The following FUCA1 variants were observed in gnomAD, a reference collection of about 807,000 sequenced individuals.
FUCA1 encodes the protein tissue alpha-L-fucosidase.
Under a neutral mutation model 56.8 loss-of-function variants are expected in FUCA1, and 52 were observed. That is an observed-to-expected ratio of 0.92 (90% confidence interval 0.73 to 1.15). The LOEUF (loss-of-function observed/expected upper bound fraction) is 1.15, where lower values mean the gene tolerates loss of function less well. FUCA1 is among the 50% of genes most tolerant of loss of function. FUCA1 has a pLI of 0.00. For missense variants in FUCA1, 568 were observed against 592.6 expected (o/e 0.96, Z 0.43); for synonymous variants, 230 against 226.6 (o/e 1.02, Z -0.14).
chr1:23,858,973 G>T (rs948619792), intron 4 of FUCA1, among the ~76,000 whole-genome samples: 2 of 151,846 alleles, frequency 1.3e-5, no homozygotes, highest in Non-Finnish European at 2.9e-5. Context: ...GTAGAGATGA[G>T]GTCTCACTAC....
chr1:23,858,655 A>C (rs1044322151), intron 4 of FUCA1, among the ~76,000 whole-genome samples: 3 of 152,238 alleles, frequency 2.0e-5, no homozygotes, highest in Non-Finnish European at 4.4e-5. Context: ...TTGAGAGTTA[A>C]ACTATAAAAT....
chr1:23,852,837 T>C (rs1570677519), intron 5 of FUCA1, among the ~76,000 whole-genome samples: 1 of 151,814 alleles, frequency 6.6e-6, no homozygotes, highest in East Asian at 1.9e-4. Flanking sequence ...AACCTCCACC[T>C]CCCAGCCGCC....
rs764568139 is a variant in FUCA1 at position 23,867,880 on chromosome 1, C to T, written c.389+18G>A. The T allele has an allele frequency of 5.8e-6, 9 of 1,540,606 alleles. No individual in the cohort carries two copies. The South Asian group carries it at 6.0e-5, about 10-fold the overall frequency. On this transcript the variant is annotated intron_variant, in intron 1 of 7. Transcript: ENST00000374479. This position sits in a 1 kb window ranked among gnomAD's most constrained non-coding sequence, Gnocchi z 4.9. ...GCCCGAGCCGGGAAGGGGCGCCGCT[C>T]CCCGGGACCACACTCACTTGGCGCC...
intron 4 of FUCA1, among the ~76,000 whole-genome samples, chr1:23,855,313 C>T (rs554668179): frequency 3.3e-5 from 5 of 152,066 alleles, no homozygotes; most frequent in South Asian, 2.1e-4. Context: ...CTGGCTAACA[C>T]GGTGAAATCC....
intron 3 of FUCA1, among the ~76,000 whole-genome samples, chr1:23,860,594 A>C (rs1340815005): frequency 6.6e-6 from 1 of 150,822 alleles, no homozygotes; most frequent in Non-Finnish European, 1.5e-5. Flanking sequence ...AAAAAAAAAA[A>C]AAAAAAACAC....
intron 4 of FUCA1, among the ~76,000 whole-genome samples, chr1:23,857,186 G>C (rs1332926665): frequency 6.6e-6 from 1 of 152,034 alleles, no homozygotes; most frequent in Non-Finnish European, 1.5e-5. Flanking sequence ...GACCTAGCTC[G>C]AGGGGTATAC....
chr1:23,858,875 C>CA (rs1639448848), intron 4 of FUCA1, among the ~76,000 whole-genome samples: 1 of 152,100 alleles, frequency 6.6e-6, no homozygotes, highest in South Asian at 2.1e-4. Flanking sequence ...AGCCTCCCCC[C>CA]ACATCAGCCT....
At chr1:23,850,316 CAAAAA>C (rs11425085) in intron 5 of FUCA1, among the ~76,000 whole-genome samples, 2 of 129,492 alleles carry the variant, frequency 1.5e-5, no homozygotes, top group African/African-American at 5.8e-5. Flanking sequence ...AATTCCATCT[CAAAAA>C]AAAAAAAAAA....
In FUCA1 at chr1:23,862,459, G is replaced by A. The variant is rs193000743; in HGVS notation, c.662+675C>T. Among the ~76,000 whole-genome samples the A allele has an allele frequency of 5.8e-4, 89 of 152,302 alleles. 3 individuals carry two copies. Among genetic ancestry groups the A allele is most frequent in the East Asian group, 1.4e-3 (7 of 5,182 alleles). Reference sequence around the variant, plus strand: ...TGGGATTACAGGCGTAAGCCACTGCGCCTGGCTAAAGGTGATTTTCCTTTG... The same window carrying A: ...TGGGATTACAGGCGTAAGCCACTGCACCTGGCTAAAGGTGATTTTCCTTTG... On this transcript the variant is annotated intron_variant, in intron 3 of 7. Coordinates refer to ENST00000374479, the MANE Select transcript of FUCA1 (RefSeq NM_000147.5).
intron 5 of FUCA1, 105 bp from the exon 6 acceptor site, chr1:23,848,944 T>A (rs1570673542): frequency 1.0e-6 from 1 of 978,312 alleles, no homozygotes; most frequent in Non-Finnish European, 1.6e-6. Flanking sequence ...CTCTGTTTTT[T>A]AAATATCCTC....
In FUCA1 at chr1:23,845,388, G is replaced by A. The variant is rs981492559; in HGVS notation, c.*327C>T. 6 of 379,792 alleles carry A rather than the reference G, an allele frequency of 1.6e-5. No individual in the cohort carries two copies. The highest frequency in any genetic ancestry group is 1.3e-4 in the African/African-American group (6 of 47,880). The allele number at this position is 379,792 out of a possible 1,614,324, so 23.5% of individuals were successfully genotyped here. A position where few individuals can be genotyped will look rare whatever the true frequency, so the allele number is the denominator to read the frequency against. ...AGGCAACAGGGTGACTTGGCTTAAA[G>A]GCATTGAGTAAGCAAGTAGGTTATC... On this transcript the variant is annotated 3_prime_UTR_variant, in exon 8 of 8. Coordinates refer to ENST00000374479, the MANE Select transcript of FUCA1 (RefSeq NM_000147.5).
intron 5 of FUCA1, among the ~76,000 whole-genome samples, chr1:23,852,821 C>CCCA (rs1639293493): frequency 6.6e-6 from 1 of 151,786 alleles, no homozygotes; most frequent in South Asian, 2.1e-4. Context: ...GATCTCCGCT[C>CCCA]GCTACAACCT....
At chr1:23,855,905 T>C (rs886389811) in intron 4 of FUCA1, among the ~76,000 whole-genome samples, 17 of 152,198 alleles carry the variant, frequency 1.1e-4, no homozygotes, top group Admixed American at 9.8e-4. Context: ...TGTGGGCAGA[T>C]ACTGGGTCTC....
Position 23,865,586 on chromosome 1 carries a change from T to G in FUCA1, c.429A>C (p.Thr143=). The change falls in exon 2 of 8, where the codon ACA becomes ACC. Residue 143 remains threonine, a synonymous_variant. Coordinates refer to ENST00000374479, the MANE Select transcript of FUCA1 (RefSeq NM_000147.5). The part of the protein sequence containing the change: ...VLTTKHHEGF[T]NWPSPVSWNW... ...TCCAAGACACAGGACTCGGCCAGTT[T>G]GTGAAGCCTTCGTGATGCTTTGTCG... 3 of 1,614,202 alleles carry G rather than the reference T, an allele frequency of 1.9e-6. No homozygotes were observed. Among genetic ancestry groups the G allele is most frequent in the Non-Finnish European group, 2.5e-6 (3 of 1,180,040 alleles).
Position 23,856,729 on chromosome 1 carries a change from C to T in FUCA1, c.769-2169G>A, listed in dbSNP as rs540331135. ...GAGGCCGGCCGGGAGCGGTGGCTCA[C>T]GCCTGTAATCCCAGCACTTTGGGAG... On this transcript the variant is annotated intron_variant, in intron 4 of 7. Coordinates refer to ENST00000374479, the MANE Select transcript of FUCA1 (RefSeq NM_000147.5). 7.2e-5 allele frequency among the ~76,000 whole-genome samples: 11 copies of T among 152,284 alleles called. No individual in the cohort carries two copies. In the South Asian group the frequency reaches 2.1e-3, roughly 29 times the overall value.
At position 23,867,913 on chromosome 1, in the gene FUCA1, T is replaced by A. The variant is rs546466604; in HGVS notation, c.374A>T (p.Gln125Leu). Residue 125 changes from glutamine (Q) to leucine (L), a missense_variant, in exon 1 of 8, where the codon CAG becomes CTG. Coordinates refer to ENST00000374479, the MANE Select transcript of FUCA1 (RefSeq NM_000147.5). This position sits in a 1 kb window ranked among gnomAD's most constrained non-coding sequence, Gnocchi z 4.9. ...FHPEEWADLFQAAGAKYVVLT... is the reference protein window; with the variant it reads ...FHPEEWADLFLAAGAKYVVLT... ...CCACACTCACTTGGCGCCCGCGGCCTGGAAGAGGTCGGCCCACTCCTCCGG... is the reference window on the plus strand; with the variant it reads ...CCACACTCACTTGGCGCCCGCGGCCAGGAAGAGGTCGGCCCACTCCTCCGG... The A allele has an allele frequency of 6.4e-7, 1 of 1,551,114 alleles. No individual in the cohort carries two copies. Among genetic ancestry groups the A allele is most frequent in the South Asian group, 1.2e-5 (1 of 84,208 alleles).
rs142544578 is a variant in FUCA1, at chr1:23,860,707, C to T, written c.663-804G>A. Among the ~76,000 whole-genome samples, 1,340 of 149,886 alleles carry T rather than the reference C, an allele frequency of 8.9e-3. 14 individuals carry two copies. Among genetic ancestry groups the T allele is most frequent in the African/African-American group, 0.028 (1,124 of 40,794 alleles). On this transcript the variant is annotated intron_variant, in intron 3 of 7. Transcript: ENST00000374479. ...AGGCTGGAGTGCAGTGCTGTGATCT[C>T]GGCTCACTGCAACCTTCACCTGCTG...
chr1:23,858,083 GAGA>G (rs957304342), intron 4 of FUCA1, among the ~76,000 whole-genome samples: 12 of 149,250 alleles, frequency 8.0e-5, no homozygotes, highest in South Asian at 6.3e-4. Context: ...CTTTTTTTTT[GAGA>G]AGGAGTCTCA....
intron 5 of FUCA1, among the ~76,000 whole-genome samples, chr1:23,853,067 T>A (rs368971323): frequency 0.26 from 36,154 of 137,490 alleles, 4,563 homozygotes; most frequent in Non-Finnish European, 0.32. Context: ...ATCTAGGAAG[T>A]GAGGAGCGTC....
Sources: gnomAD v4.1 joint callset for allele counts (sites outside exome capture counted in the v4.1 genomes callset) on GRCh38, gnomAD v4.1.1 for gene constraint, Gnocchi (gnomAD v3.1) non-coding constraint, MANE v1.5 for transcripts, NCBI Gene and HGNC (gene_info 2026-07-23, HGNC 2026-07-21) for gene names.